TDRD12: variants seen among roughly 807,000 people sequenced by gnomAD.
TDRD12 encodes the protein putative ATP-dependent RNA helicase TDRD12.
TDRD12 carries 158 observed loss-of-function variants against 133.5 expected under a neutral mutation model. The ratio of observed to expected loss-of-function variants is 1.18; its 90% CI spans 1.04 to 1.35. The LOEUF (loss-of-function observed/expected upper bound fraction) is 1.35. TDRD12 is among the 40% of genes most tolerant of loss of function. The pLI is 0.00. For missense variants in TDRD12, 1,443 were observed against 1,321.3 expected, an observed-to-expected ratio of 1.09 and a Z score of -1.43; for synonymous variants, 460 against 477.9, an observed-to-expected ratio of 0.96 and a Z score of 0.49.
intron 8 of TDRD12, among the ~76,000 whole-genome samples, chr19:32,758,215 TCA>T (rs1970052242): frequency 6.6e-6 from 1 of 152,200 alleles, no homozygotes; most frequent in Non-Finnish European, 1.5e-5. Context: ...GGAATAGCTC[TCA>T]GTGTAACCTC....
downstream of TDRD12, among the ~76,000 whole-genome samples, chr19:32,823,616 C>T (rs1024815497): frequency 5.9e-5 from 9 of 152,154 alleles, no homozygotes; most frequent in African/African-American, 2.2e-4. Context: ...TGCACATACA[C>T]GTTCTCTTCA....
chr19:32,765,731 G>A lies in TDRD12; in HGVS notation c.866-7022G>A, dbSNP rs541879445. ...GGAAGGGGAACATCACACACCGGGG[G>A]CCTGTTGTGGGGTGGGGGTCGGGGG... is the stretch of plus-strand genomic sequence containing the variant. On this transcript the variant is annotated intron_variant, in intron 8 of 27. Coordinates refer to ENST00000444215, the Ensembl canonical transcript of TDRD12. 4.8e-5 allele frequency among the ~76,000 whole-genome samples: 7 copies of A among 146,576 alleles called. No homozygotes were observed. The East Asian group carries it at 1.0e-3, about 21-fold the overall frequency.
intron 27 of TDRD12, among the ~76,000 whole-genome samples, chr19:32,820,264 C>T (rs1245399463): frequency 1.3e-5 from 2 of 152,034 alleles, no homozygotes; most frequent in African/African-American, 4.8e-5. Context: ...CCCTCCTCCT[C>T]GTGTGTGTGT....
chr19:32,781,688 TCTC>T (rs1279046308), intron 11 of TDRD12, among the ~76,000 whole-genome samples: 2 of 101,756 alleles, frequency 2.0e-5, no homozygotes, highest in African/African-American at 6.8e-5. Context: ...CCTTTCCTTT[TCTC>T]TCTCTCTCTC....
intron 2 of TDRD12, among the ~76,000 whole-genome samples, chr19:32,733,191 G>A (rs773553819): frequency 4.0e-4 from 61 of 152,100 alleles, no homozygotes; most frequent in Admixed American, 3.7e-3. Flanking sequence ...ATGCGTAGCC[G>A]GGCGTGGTGG....
intron 1 of TDRD12, among the ~76,000 whole-genome samples, chr19:32,725,964 T>A (rs1017561278): frequency 1.3e-5 from 2 of 152,188 alleles, no homozygotes; most frequent in African/African-American, 4.8e-5. Flanking sequence ...TGTAGCCTTG[T>A]AAAGTCAATT....
At chr19:32,815,691 T>C in intron 26 of TDRD12, 71 bp downstream of exon 26, 1 of 1,414,616 alleles carries the variant, frequency 7.1e-7, no homozygotes, top group Non-Finnish European at 9.4e-7. Context: ...GTTAAGGACA[T>C]GTTTTATGAA....
chr19:32,817,964 T>C, intron 26 of TDRD12, 125 bp from the exon 27 acceptor site: 1 of 672,774 alleles, frequency 1.5e-6, no homozygotes, highest in Non-Finnish European at 2.7e-6. Flanking sequence ...AGCAGGCCTC[T>C]GTCTCAAAAA....
intron 22 of TDRD12, among the ~76,000 whole-genome samples, chr19:32,808,684 AC>A (rs1966898493): frequency 6.6e-6 from 1 of 152,182 alleles, no homozygotes. Flanking sequence ...GAGAGTCACC[AC>A]CCAACCCACT....
rs947467272 is a variant in TDRD12 at position 32,756,293 on chromosome 19, CT to C, written c.772+113del. 7 of 927,114 alleles carry C rather than the reference CT, an allele frequency of 7.6e-6. No homozygotes were observed. The African/African-American group carries it at 1.1e-4, about 14-fold the overall frequency. 57.4% of individuals were successfully genotyped at this position (927,114 alleles called of 1,614,324 possible). A position where few individuals can be genotyped will look rare whatever the true frequency, so the allele number is the denominator to read the frequency against. Reference sequence around the variant, plus strand: ...CCACATGGAGACAAAGACTTGGACTCTGTTTAAAGTTTAATCCTGATGAGGC... The same window carrying C: ...CCACATGGAGACAAAGACTTGGACTCGTTTAAAGTTTAATCCTGATGAGGC... On this transcript the variant is annotated intron_variant, in intron 7 of 27. Coordinates refer to ENST00000444215, the Ensembl canonical transcript of TDRD12.
intron 8 of TDRD12, among the ~76,000 whole-genome samples, chr19:32,757,618 C>T (rs1373732352): frequency 6.6e-6 from 1 of 152,178 alleles, no homozygotes; most frequent in Non-Finnish European, 1.5e-5. Flanking sequence ...CCACCATTTC[C>T]CTCTTATGCT....
chr19:32,784,928 A>C (rs1970864563), intron 11 of TDRD12, among the ~76,000 whole-genome samples: 1 of 152,126 alleles, frequency 6.6e-6, no homozygotes, highest in African/African-American at 2.4e-5. Flanking sequence ...TCTTTTCAAA[A>C]AACCAGCTCC....
chr19:32,810,982 TAGATA>T (rs926209522), intron 23 of TDRD12, among the ~76,000 whole-genome samples: 7 of 152,240 alleles, frequency 4.6e-5, no homozygotes, highest in Admixed American at 3.3e-4. Flanking sequence ...ATTATGTTGT[TAGATA>T]AAAGGATTTA....
exon 15 of TDRD12, chr19:32,797,841 C>T (rs754646962): frequency 1.4e-5 from 10 of 702,216 alleles, no homozygotes; most frequent in Non-Finnish European, 2.3e-5. Context: ...GTGCTATTAA[C>T]AATTGGGCTC....
In TDRD12 at chr19:32,817,434, G is replaced by A. The variant is rs149510155; in HGVS notation, c.3315-655G>A. 4.7e-3 allele frequency among the ~76,000 whole-genome samples: 710 copies of A among 152,128 alleles called. 2 individuals carry two copies. The highest frequency in any genetic ancestry group is 0.015 in the African/African-American group (634 of 41,488). ...TCAAGGTCCACACGTGTTGCAGCCC[G>A]GGTCAGATTTCCTTCCCTTTGAAGC... is the stretch of plus-strand genomic sequence containing the variant. On this transcript the variant is annotated intron_variant, in intron 26 of 27. Transcript: ENST00000444215.
At position 32,732,205 on chromosome 19, in the gene TDRD12, G is replaced by C. The variant is rs1183538977; in HGVS notation, c.183+322G>C. 2.0e-5 allele frequency among the ~76,000 whole-genome samples: 3 copies of C among 152,198 alleles called. No homozygotes were observed. The South Asian group carries it at 6.2e-4, about 32-fold the overall frequency. ...TTTTAGTAGAGACGGGGGTTTCACCGTGTTGGCCAGGCTGGTCTCGAACTC... is the reference window on the plus strand; with the variant it reads ...TTTTAGTAGAGACGGGGGTTTCACCCTGTTGGCCAGGCTGGTCTCGAACTC... On this transcript the variant is annotated intron_variant, in intron 2 of 27. Transcript: ENST00000444215.
At chr19:32,814,819 A>G (rs12460944) in intron 25 of TDRD12, among the ~76,000 whole-genome samples, 70,216 of 151,982 alleles carry the variant, frequency 0.46, 17,319 homozygotes, top group East Asian at 0.73. Context: ...CGGTGGACAC[A>G]CATTCCTGGG....
chr19:32,758,388 G>A lies in TDRD12; in HGVS notation c.865+1258G>A, dbSNP rs1599866405. On this transcript the variant is annotated intron_variant, in intron 8 of 27. Coordinates refer to ENST00000444215, the Ensembl canonical transcript of TDRD12. Reference sequence around the variant, plus strand: ...GTATAGCAGTGTAGAAAACCAACTAGGAAAGGGTAGGTGCATATGAAATAA... The same window carrying A: ...GTATAGCAGTGTAGAAAACCAACTAAGAAAGGGTAGGTGCATATGAAATAA... 2.0e-5 allele frequency among the ~76,000 whole-genome samples: 3 copies of A among 152,212 alleles called. No individual in the cohort carries two copies. In the South Asian group the frequency reaches 6.2e-4, roughly 32 times the overall value.
chr19:32,775,361 C>G (rs1970552013), intron 10 of TDRD12, among the ~76,000 whole-genome samples: 1 of 152,160 alleles, frequency 6.6e-6, no homozygotes, highest in Non-Finnish European at 1.5e-5. Context: ...CAGGATCTTG[C>G]TCTGTTACTC....
Sources: allele counts gnomAD v4.1 joint callset (sites outside exome capture counted in the v4.1 genomes callset), GRCh38; gene constraint gnomAD v4.1.1; transcripts MANE v1.5; gene names NCBI Gene and HGNC (gene_info 2026-07-23, HGNC 2026-07-21).